Variants in ELP3 observed in about 807,000 individuals in gnomAD.
ELP3 encodes elongator acetyltransferase complex subunit 3, also known as elongator complex protein 3.
ELP3 carries 56 observed loss-of-function variants against 74.9 expected under a neutral mutation model. The observed-to-expected ratio is 0.75, with a 90% CI of 0.60 to 0.93. The LOEUF (loss-of-function observed/expected upper bound fraction) is 0.93, where lower values mean the gene tolerates loss of function less well. ELP3 is among the 40% of genes least tolerant of loss of function. The pLI is 0.00. For synonymous variants in ELP3, 222 were observed against 239.8 expected, an observed-to-expected ratio of 0.93 and a Z score of 0.68; for missense variants, 573 against 686.5, an observed-to-expected ratio of 0.83 and a Z score of 1.85.
At chr8:28,091,713 A>G (rs1003972570), upstream of ELP3, among the ~76,000 whole-genome samples, 2 of 152,180 alleles carry the variant, frequency 1.3e-5, no homozygotes, top group African/African-American at 4.8e-5. Context: ...TTTCTGGAGA[A>G]CGTAAACCAA....
intron 7 of ELP3, among the ~76,000 whole-genome samples, chr8:28,122,277 A>G (rs559084031): frequency 6.6e-6 from 1 of 152,278 alleles, no homozygotes; most frequent in East Asian, 1.9e-4. Flanking sequence ...GTTGTCAGGT[A>G]TTCGTTGTTG....
intron 7 of ELP3, among the ~76,000 whole-genome samples, chr8:28,113,482 G>C (rs563834207): frequency 6.6e-5 from 10 of 152,386 alleles, no homozygotes; most frequent in African/African-American, 2.2e-4. Context: ...GCCCACCCAA[G>C]AAGGGGGCTG....
chr8:28,107,598 G>A (rs1265735917), intron 4 of ELP3, among the ~76,000 whole-genome samples: 1 of 152,206 alleles, frequency 6.6e-6, no homozygotes, highest in Non-Finnish European at 1.5e-5. Flanking sequence ...GTTCCCAAGA[G>A]AACACTGAGT....
intron 14 of ELP3, among the ~76,000 whole-genome samples, chr8:28,172,301 T>A (rs1814560815): frequency 6.6e-6 from 1 of 152,146 alleles, no homozygotes; most frequent in Admixed American, 6.5e-5. Context: ...TCCTTCCATT[T>A]ATTTAGTCTT....
chr8:28,175,831 T>TTTG (rs1814727792), intron 14 of ELP3, among the ~76,000 whole-genome samples: 1 of 148,460 alleles, frequency 6.7e-6, no homozygotes, highest in Non-Finnish European at 1.5e-5. Context: ...TTTTTTTTTT[T>TTTG]GGGGAGTCAG....
At chr8:28,116,935 G>A (rs1006131332) in intron 7 of ELP3, among the ~76,000 whole-genome samples, 4 of 152,186 alleles carry the variant, frequency 2.6e-5, no homozygotes, top group African/African-American at 9.7e-5. Flanking sequence ...AGGCGACGGG[G>A]ATGGCAGCAG....
intron 7 of ELP3, 100 bp downstream of exon 7, chr8:28,113,273 T>A: frequency 1.3e-6 from 1 of 792,010 alleles, no homozygotes; most frequent in Non-Finnish European, 1.9e-6. Context: ...TCCACATTCT[T>A]ACTTCTCATA....
chr8:28,184,608 C>A (rs1333245103), intron 14 of ELP3, among the ~76,000 whole-genome samples: 1 of 152,164 alleles, frequency 6.6e-6, no homozygotes, highest in Non-Finnish European at 1.5e-5. Flanking sequence ...AAGGACTGTC[C>A]AGTCCTGTGT....
intron 7 of ELP3, among the ~76,000 whole-genome samples, chr8:28,115,278 A>G (rs1046552388): frequency 6.6e-6 from 1 of 152,170 alleles, no homozygotes; most frequent in Non-Finnish European, 1.5e-5. Context: ...GGTAACATTG[A>G]CAACCATGTA....
At chr8:28,101,598 T>C (rs1811490636) in intron 3 of ELP3, among the ~76,000 whole-genome samples, 1 of 151,722 alleles carries the variant, frequency 6.6e-6, no homozygotes, top group African/African-American at 2.4e-5. Context: ...TTCTTTTTTT[T>C]TTTTTTTACC....
At chr8:28,111,629 G>A (rs965067276) in intron 6 of ELP3, among the ~76,000 whole-genome samples, 2 of 152,146 alleles carry the variant, frequency 1.3e-5, no homozygotes, top group South Asian at 2.1e-4. Context: ...CAAACAGTGG[G>A]TTCTAAACTG....
chr8:28,138,287 A>G (rs1278404137), intron 10 of ELP3, among the ~76,000 whole-genome samples: 1 of 152,182 alleles, frequency 6.6e-6, no homozygotes, highest in East Asian at 1.9e-4. Flanking sequence ...AAAAAGTAGC[A>G]ACAATCACTC....
At chr8:28,130,974 C>T (rs1278578549) in intron 8 of ELP3, among the ~76,000 whole-genome samples, 4 of 152,050 alleles carry the variant, frequency 2.6e-5, no homozygotes, top group Non-Finnish European at 4.4e-5. Flanking sequence ...GCCACCAGCA[C>T]GCATAAAGCT....
chr8:28,110,322 T>G, intron 5 of ELP3, 48 bp from the exon 6 acceptor site: 1 of 1,513,992 alleles, frequency 6.6e-7, no homozygotes, highest in South Asian at 1.2e-5. Context: ...TTGAAACTAC[T>G]TTTTAGTTTT....
chr8:28,157,275 T>TA (rs1208924866), intron 11 of ELP3, among the ~76,000 whole-genome samples: 4 of 27,416 alleles, frequency 1.5e-4, no homozygotes, highest in South Asian at 8.1e-4. Context: ...TCTCTGCCTT[T>TA]AAAAAAAGCA....
In ELP3 at chr8:28,093,141, C is replaced by T; in HGVS notation, c.-74C>T. On this transcript the variant is annotated 5_prime_UTR_variant, in exon 1 of 15. Coordinates refer to ENST00000256398, the MANE Select transcript of ELP3 (RefSeq NM_018091.6). ...TACGACAGGCGGGATTGTTTTGTGG[C>T]TGTCAGCTTTCCCCGTGGTCTGAGT... The T allele has an allele frequency of 6.3e-7, 1 of 1,588,638 alleles. No homozygotes were observed. Among genetic ancestry groups the T allele is most frequent in the Non-Finnish European group, 8.6e-7 (1 of 1,167,948 alleles).
At chr8:28,146,182 G>C (rs1316583957) in intron 10 of ELP3, among the ~76,000 whole-genome samples, 1 of 152,112 alleles carries the variant, frequency 6.6e-6, no homozygotes, top group Non-Finnish European at 1.5e-5. Context: ...CCTAATAGAA[G>C]ATTCTGTGTT....
At chr8:28,119,575 TATATATATATA>T (rs1563257212) in intron 7 of ELP3, among the ~76,000 whole-genome samples, 9 of 266 alleles carry the variant, frequency 0.034, no homozygotes, top group African/African-American at 0.054. Context: ...TGGCGTTTTA[TATATATATATA>T]TATATATATA....
At chr8:28,142,211 T>C (rs1813267662) in intron 10 of ELP3, among the ~76,000 whole-genome samples, 1 of 152,162 alleles carries the variant, frequency 6.6e-6, no homozygotes, top group African/African-American at 2.4e-5. Flanking sequence ...ACTTATATGA[T>C]ACAACCGAAA....
Sources: gnomAD v4.1 joint callset for allele counts (sites outside exome capture counted in the v4.1 genomes callset) on GRCh38, gnomAD v4.1.1 for gene constraint, MANE v1.5 for transcripts, NCBI Gene and HGNC (gene_info 2026-07-23, HGNC 2026-07-21) for gene names.